The following DMXL1 variants were observed in gnomAD, a reference collection of about 807,000 sequenced individuals.
DMXL1 encodes Dmx like 1.
Under a neutral mutation model 319.2 loss-of-function variants are expected in DMXL1, and 99 were observed. The ratio of observed to expected loss-of-function variants is 0.31; its 90% CI spans 0.26 to 0.37. The LOEUF (loss-of-function observed/expected upper bound fraction) is 0.37, where lower values mean the gene tolerates loss of function less well. DMXL1 is among the 10% of genes least tolerant of loss of function. The pLI is 1.00. For missense variants in DMXL1, 3,745 were observed against 3,595.6 expected (o/e 1.04, Z -1.06); for synonymous variants, 1,385 against 1,235.2 (o/e 1.12, Z -2.54).
At chr5:119,115,725 TC>T (rs1246766419) in intron 6 of DMXL1, among the ~76,000 whole-genome samples, 1 of 152,224 alleles carries the variant, frequency 6.6e-6, no homozygotes, top group Non-Finnish European at 1.5e-5. Context: ...CTCATTTTTT[TC>T]ACCATCAACA....
intron 1 of DMXL1, chr5:119,081,450 T>A (rs1752170945): frequency 4.0e-6 from 2 of 501,978 alleles, no homozygotes; most frequent in Non-Finnish European, 5.2e-6. Context: ...AGAACCTTTT[T>A]AAAATAAAAC....
chr5:119,133,021 T>A (rs912218422), intron 10 of DMXL1, 111 bp from the exon 11 acceptor site: 3 of 1,195,966 alleles, frequency 2.5e-6, no homozygotes, highest in African/African-American at 3.1e-5. Flanking sequence ...TTCCATGCTC[T>A]CCTTAGGCAT....
chr5:119,168,560 G>A (rs116829101), intron 23 of DMXL1, among the ~76,000 whole-genome samples: 93 of 152,308 alleles, frequency 6.1e-4, no homozygotes, highest in African/African-American at 2.1e-3. Context: ...TAATCAGGAA[G>A]TGGCCTTCGC....
At chr5:119,222,055 T>A (rs959859691) in intron 37 of DMXL1, among the ~76,000 whole-genome samples, 3 of 152,072 alleles carry the variant, frequency 2.0e-5, no homozygotes, top group African/African-American at 4.8e-5. Context: ...AAAAAAAAAA[T>A]TATTTTTCAT....
At chr5:119,089,158 A>G (rs1196650588) in intron 1 of DMXL1, among the ~76,000 whole-genome samples, 2 of 150,246 alleles carry the variant, frequency 1.3e-5, no homozygotes, top group Non-Finnish European at 3.0e-5. Context: ...AGAAGACAAC[A>G]TTTTGTCTTT....
intron 29 of DMXL1, among the ~76,000 whole-genome samples, chr5:119,192,944 C>G (rs754874677): frequency 6.6e-6 from 1 of 152,112 alleles, no homozygotes; most frequent in Non-Finnish European, 1.5e-5. Flanking sequence ...TCCTCAACTT[C>G]TCTTGTTCTC....
chr5:119,206,626 C>A (rs1781792389), intron 33 of DMXL1: 1 of 387,966 alleles, frequency 2.6e-6, no homozygotes, highest in Non-Finnish European at 4.6e-6. Flanking sequence ...TTAATGAGTT[C>A]TGAGGGATTA....
intron 28 of DMXL1, among the ~76,000 whole-genome samples, chr5:119,181,631 G>A (rs1027749321): frequency 2.6e-5 from 4 of 152,126 alleles, no homozygotes; most frequent in African/African-American, 9.7e-5. Context: ...AGACCAGCCT[G>A]GCCAACAAGT....
intron 1 of DMXL1, among the ~76,000 whole-genome samples, chr5:119,097,522 C>T (rs1756252143): frequency 6.6e-6 from 1 of 151,990 alleles, no homozygotes; most frequent in Non-Finnish European, 1.5e-5. Flanking sequence ...TCAAGACCAT[C>T]CTGGCTAACA....
At chr5:119,099,356 G>T (rs1249676539) in intron 2 of DMXL1, among the ~76,000 whole-genome samples, 1 of 150,418 alleles carries the variant, frequency 6.6e-6, no homozygotes, top group Non-Finnish European at 1.5e-5. Flanking sequence ...AATTACAGGT[G>T]CTCGCCATCA....
intron 4 of DMXL1, 137 bp from the exon 5 acceptor site, chr5:119,110,014 C>G (rs891236499): frequency 1.6e-6 from 1 of 644,854 alleles, no homozygotes; most frequent in Non-Finnish European, 2.6e-6. Flanking sequence ...TAAAATACAG[C>G]CTTCTCCTCC....
intron 19 of DMXL1, among the ~76,000 whole-genome samples, chr5:119,161,204 G>T (rs1267258311): frequency 2.6e-5 from 4 of 152,328 alleles, no homozygotes; most frequent in Admixed American, 6.5e-5. Flanking sequence ...CTAGGCCCCT[G>T]CCTTTAGGTT....
intron 39 of DMXL1, chr5:119,236,272 A>G (rs549925286): frequency 6.6e-6 from 1 of 152,202 alleles, no homozygotes; most frequent in East Asian, 1.9e-4. Flanking sequence ...GTATCAATTT[A>G]TATTACCACA....
At chr5:119,122,559 G>A (rs1239666217) in intron 9 of DMXL1, among the ~76,000 whole-genome samples, 7 of 150,298 alleles carry the variant, frequency 4.7e-5, no homozygotes, top group Non-Finnish European at 7.4e-5. Context: ...GGCGGCTGCC[G>A]GGCGGAGGGG....
Position 119,188,492 on chromosome 5 carries a change from A to T in DMXL1, c.7136-1216A>T, listed in dbSNP as rs190393166. Among the ~76,000 whole-genome samples the T allele has an allele frequency of 2.0e-5, 3 of 152,374 alleles. No homozygotes were observed. The East Asian group carries it at 5.8e-4, about 29-fold the overall frequency. On this transcript the variant is annotated intron_variant, in intron 28 of 43. Coordinates refer to ENST00000539542, the MANE Select transcript of DMXL1 (RefSeq NM_001290321.3). ...AGCATTAAGTTTTTGAAAGGTAAAA[A>T]AATATCTCTATAGTTCTCACTTTTC...
In DMXL1 at chr5:119,071,510, C is replaced by T; in HGVS notation, c.-60C>T. 1 of 1,506,444 alleles carries T rather than the reference C, an allele frequency of 6.6e-7. No homozygotes were observed. The highest frequency in any genetic ancestry group is 2.4e-5 in the East Asian group (1 of 40,960). The allele number at this position is 1,506,444 out of a possible 1,614,324, so 93.3% of individuals were successfully genotyped here. A position where few individuals can be genotyped will look rare whatever the true frequency, so the allele number is the denominator to read the frequency against. Reference sequence around the variant, plus strand: ...CCCCTGAGGGAAGGAGGGAGGGAAGCAGCCGCTGACCCGTGGCATGAGCTG... The same window carrying T: ...CCCCTGAGGGAAGGAGGGAGGGAAGTAGCCGCTGACCCGTGGCATGAGCTG... On this transcript the variant is annotated 5_prime_UTR_variant, in exon 1 of 44. Coordinates refer to ENST00000539542, the MANE Select transcript of DMXL1 (RefSeq NM_001290321.3).
chr5:119,131,322 A>T (rs1293239316), intron 10 of DMXL1, among the ~76,000 whole-genome samples: 1 of 152,158 alleles, frequency 6.6e-6, no homozygotes, highest in Non-Finnish European at 1.5e-5. Flanking sequence ...AAGAATATAC[A>T]TATTTACCTG....
intron 40 of DMXL1, among the ~76,000 whole-genome samples, chr5:119,237,868 A>G (rs1410772847): frequency 2.0e-5 from 3 of 152,076 alleles, no homozygotes; most frequent in East Asian, 3.8e-4. Context: ...GCAGGCTTTT[A>G]TGAACTTTCT....
At chr5:119,127,737 C>G (rs1322963386) in intron 9 of DMXL1, 1 of 245,060 alleles carries the variant, frequency 4.1e-6, no homozygotes, top group African/African-American at 2.3e-5. Context: ...CTGCACCCAG[C>G]CAGTCCTTTA....
Sources: gnomAD v4.1 joint callset for allele counts (sites outside exome capture counted in the v4.1 genomes callset) on GRCh38, gnomAD v4.1.1 for gene constraint, MANE v1.5 for transcripts, NCBI Gene and HGNC (gene_info 2026-07-23, HGNC 2026-07-21) for gene names.